Variants in MIPEP observed in about 807,000 individuals in gnomAD.
MIPEP encodes mitochondrial intermediate peptidase.
In MIPEP, 79 loss-of-function variants were observed where a neutral mutation model predicts 90.3. The ratio of observed to expected loss-of-function variants is 0.87; its 90% CI spans 0.73 to 1.05. The LOEUF (loss-of-function observed/expected upper bound fraction) is 1.05, where lower values mean the gene tolerates loss of function less well. Among genes scored for constraint, MIPEP ranks in the 50% least tolerant of loss-of-function variants. MIPEP has a pLI of 0.00. For missense variants in MIPEP, 940 were observed against 905.6 expected (o/e 1.04, Z -0.49); for synonymous variants, 334 against 315.8 (o/e 1.06, Z -0.61).
At chr13:23,870,727 C>G (rs1566024172) in intron 5 of MIPEP, among the ~76,000 whole-genome samples, 2 of 152,078 alleles carry the variant, frequency 1.3e-5, no homozygotes. Flanking sequence ...ATCGCTCGAA[C>G]CCAGGAGGCG....
At chr13:23,875,388 G>A (rs1037365098) in intron 4 of MIPEP, among the ~76,000 whole-genome samples, 1 of 151,938 alleles carries the variant, frequency 6.6e-6, no homozygotes, top group Admixed American at 6.6e-5. Flanking sequence ...GAGATTTTTA[G>A]TTTTTCTTCT....
Position 23,730,231 on chromosome 13 carries a change from G to A in MIPEP, c.*117C>T. The A allele has an allele frequency of 1.5e-6, 1 of 688,536 alleles. No homozygotes were observed. The highest frequency in any genetic ancestry group is 2.5e-6 in the Non-Finnish European group (1 of 401,844). 42.7% of individuals were successfully genotyped at this position (688,536 alleles called of 1,614,324 possible). ...TTATTCCAAGTTCTACCAGTTTAAA[G>A]TTTTTCAGAATTACAGAAGCGAACA... On this transcript the variant is annotated 3_prime_UTR_variant, in exon 19 of 19. Coordinates refer to ENST00000382172, the MANE Select transcript of MIPEP (RefSeq NM_005932.4).
At chr13:23,832,229 G>A (rs1184602970) in intron 14 of MIPEP, among the ~76,000 whole-genome samples, 1 of 152,176 alleles carries the variant, frequency 6.6e-6, no homozygotes, top group East Asian at 1.9e-4. Context: ...GCTAGCATGT[G>A]AGCACACTCA....
intron 16 of MIPEP, among the ~76,000 whole-genome samples, chr13:23,765,214 A>AT (rs1408202973): frequency 6.6e-6 from 1 of 152,134 alleles, no homozygotes; most frequent in Non-Finnish European, 1.5e-5. Flanking sequence ...CCTAGAACCA[A>AT]TTCCCCACAG....
intron 10 of MIPEP, among the ~76,000 whole-genome samples, chr13:23,850,104 C>T (rs760673341): frequency 6.6e-6 from 1 of 152,120 alleles, no homozygotes; most frequent in Non-Finnish European, 1.5e-5. Flanking sequence ...GATGGCCTGC[C>T]GGAGGGCACG....
At chr13:23,744,257 T>C (rs1952361436) in intron 18 of MIPEP, among the ~76,000 whole-genome samples, 1 of 152,230 alleles carries the variant, frequency 6.6e-6, no homozygotes, top group African/African-American at 2.4e-5. Context: ...AGTTGGCACA[T>C]GCCACTTTTC....
intron 18 of MIPEP, among the ~76,000 whole-genome samples, chr13:23,739,303 A>G (rs1273052054): frequency 6.6e-6 from 1 of 152,242 alleles, no homozygotes; most frequent in African/African-American, 2.4e-5. Context: ...GCACTTGCTC[A>G]AGAAGTCTCC....
intron 10 of MIPEP, among the ~76,000 whole-genome samples, chr13:23,845,882 C>T (rs1869516624): frequency 1.3e-5 from 2 of 149,220 alleles, no homozygotes; most frequent in Admixed American, 1.3e-4. Context: ...TATTTATAGT[C>T]TATATTTTAG....
intron 18 of MIPEP, among the ~76,000 whole-genome samples, chr13:23,736,971 C>CT (rs1565976884): frequency 6.6e-6 from 1 of 152,182 alleles, no homozygotes; most frequent in Non-Finnish European, 1.5e-5. Flanking sequence ...GATATATTGC[C>CT]TCATGCCCCG....
At chr13:23,831,920 T>C (rs1868788023) in intron 14 of MIPEP, among the ~76,000 whole-genome samples, 1 of 152,140 alleles carries the variant, frequency 6.6e-6, no homozygotes, top group Non-Finnish European at 1.5e-5. Context: ...ACTGTCTTCT[T>C]TCCTTGAATC....
chr13:23,889,119 C>T lies in MIPEP; in HGVS notation c.189+13G>A. On this transcript the variant is annotated intron_variant, in intron 1 of 18. Transcript: ENST00000382172. The stretch of plus-strand genomic sequence containing the variant: ...GCTCGGGGACTGAGGGGAGCTCCTC[C>T]TGCGCCGCTCACCCGGCGCTCGCCG... 1 of 1,408,304 alleles carries T rather than the reference C, an allele frequency of 7.1e-7. No homozygotes were observed. The highest frequency in any genetic ancestry group is 1.5e-5 in the African/African-American group (1 of 65,822). The allele number at this position is 1,408,304 out of a possible 1,614,324, so 87.2% of individuals were successfully genotyped here. A position where few individuals can be genotyped will look rare whatever the true frequency, so the allele number is the denominator to read the frequency against.
At chr13:23,877,300 C>T (rs978841613) in intron 4 of MIPEP, among the ~76,000 whole-genome samples, 1 of 152,140 alleles carries the variant, frequency 6.6e-6, no homozygotes. Context: ...CCATTTCGGT[C>T]GCTTGCATGC....
intron 10 of MIPEP, among the ~76,000 whole-genome samples, chr13:23,845,735 G>A (rs932113148): frequency 6.6e-6 from 1 of 152,134 alleles, no homozygotes; most frequent in Non-Finnish European, 1.5e-5. Context: ...CCTACCTGCA[G>A]TGTATGAAAA....
chr13:23,785,252 A>G (rs1181102018), intron 16 of MIPEP, among the ~76,000 whole-genome samples: 1 of 152,204 alleles, frequency 6.6e-6, no homozygotes, highest in Non-Finnish European at 1.5e-5. Context: ...ATGTCCAACA[A>G]TGATAGACTG....
chr13:23,743,362 A>C (rs1952351374), intron 18 of MIPEP, among the ~76,000 whole-genome samples: 1 of 152,230 alleles, frequency 6.6e-6, no homozygotes, highest in Non-Finnish European at 1.5e-5. Flanking sequence ...ATGGCTCACC[A>C]TCTTGACTTT....
At chr13:23,806,127 G>A (rs1953104279) in intron 15 of MIPEP, 58 bp from the exon 16 acceptor site, 4 of 1,581,778 alleles carry the variant, frequency 2.5e-6, no homozygotes, top group Admixed American at 1.7e-5. Context: ...TCAAGATGTG[G>A]TTGACCAAAG....
intron 16 of MIPEP, among the ~76,000 whole-genome samples, chr13:23,780,452 G>C (rs1022624937): frequency 6.6e-6 from 1 of 152,190 alleles, no homozygotes; most frequent in Non-Finnish European, 1.5e-5. Context: ...AACCCCATCT[G>C]TACGTCACCA....
intron 18 of MIPEP, among the ~76,000 whole-genome samples, chr13:23,751,225 A>T (rs934212769): frequency 2.0e-5 from 3 of 152,230 alleles, no homozygotes; most frequent in Admixed American, 1.3e-4. Context: ...TCTTAAACAA[A>T]AAAAATTTAA....
chr13:23,832,776 C>G (rs2312562), intron 14 of MIPEP, among the ~76,000 whole-genome samples: 92,924 of 152,062 alleles, frequency 0.61, 29,598 homozygotes, highest in East Asian at 0.78. Flanking sequence ...TGAACTGCAG[C>G]CAAGTTTGTA....
Sources: allele counts gnomAD v4.1 joint callset (sites outside exome capture counted in the v4.1 genomes callset), GRCh38; gene constraint gnomAD v4.1.1; transcripts MANE v1.5; gene names NCBI Gene and HGNC (gene_info 2026-07-23, HGNC 2026-07-21).